The following LSAMP variants were observed in gnomAD, a reference collection of about 807,000 sequenced individuals.
LSAMP encodes the protein limbic system associated membrane protein, also known as limbic system-associated membrane protein.
Under a neutral mutation model 38.6 loss-of-function variants are expected in LSAMP, and 7 were observed. The ratio of observed to expected loss-of-function variants is 0.18; its 90% CI spans 0.10 to 0.34. The LOEUF (loss-of-function observed/expected upper bound fraction) is 0.34. Ranked by LOEUF, LSAMP falls within the 10% of genes least tolerant of loss-of-function variation. LSAMP has a pLI of 1.00. For synonymous variants in LSAMP, 154 were observed against 166.8 expected (o/e 0.92, Z 0.59); for missense variants, 313 against 420.0 (o/e 0.75, Z 2.23).
chr3:116,277,123 C>T (rs747720709), intron 1 of LSAMP, among the ~76,000 whole-genome samples: 7 of 152,108 alleles, frequency 4.6e-5, no homozygotes, highest in Non-Finnish European at 8.8e-5. Context: ...AGAACATGGC[C>T]TCTGATAAGA....
intron 3 of LSAMP, among the ~76,000 whole-genome samples, chr3:115,902,917 T>C (rs569786026): frequency 3.3e-4 from 50 of 152,296 alleles, no homozygotes; most frequent in African/African-American, 1.2e-3. Context: ...GTTTCAACCA[T>C]TGTGTAAAGC....
chr3:116,077,685 C>T (rs1025789059), intron 2 of LSAMP, among the ~76,000 whole-genome samples: 1 of 152,140 alleles, frequency 6.6e-6, no homozygotes, highest in Non-Finnish European at 1.5e-5. Flanking sequence ...CCCATGTATC[C>T]TTCACCCAGA....
At chr3:116,204,537 C>T (rs1023314545) in intron 1 of LSAMP, among the ~76,000 whole-genome samples, 53 of 150,466 alleles carry the variant, frequency 3.5e-4, no homozygotes, top group Non-Finnish European at 5.2e-4. Context: ...GGTTTTAGGT[C>T]TAACATTTAA....
At chr3:115,937,532 T>C (rs1559888160) in intron 3 of LSAMP, among the ~76,000 whole-genome samples, 1 of 151,596 alleles carries the variant, frequency 6.6e-6, no homozygotes, top group Non-Finnish European at 1.5e-5. Flanking sequence ...TCCCAGCTAC[T>C]AGGGAGGCTG....
chr3:115,871,641 AAG>A (rs1415035721), intron 3 of LSAMP, among the ~76,000 whole-genome samples: 4 of 94,382 alleles, frequency 4.2e-5, no homozygotes, highest in Non-Finnish European at 7.9e-5. Context: ...CAGAGAGACA[AAG>A]AGAGAGAGGC....
intron 2 of LSAMP, among the ~76,000 whole-genome samples, chr3:116,054,811 C>T (rs1941458925): frequency 6.6e-6 from 1 of 152,210 alleles, no homozygotes; most frequent in East Asian, 1.9e-4. Context: ...CATTTATCAC[C>T]ACGTGGTTAT....
chr3:116,131,175 T>A (rs1709124079), intron 1 of LSAMP, among the ~76,000 whole-genome samples: 1 of 151,896 alleles, frequency 6.6e-6, no homozygotes, highest in African/African-American at 2.4e-5. Flanking sequence ...GTATTTTTAG[T>A]AGAGACAGGG....
At chr3:115,863,509 T>C (rs1009597072) in intron 3 of LSAMP, among the ~76,000 whole-genome samples, 1 of 148,860 alleles carries the variant, frequency 6.7e-6, no homozygotes, top group African/African-American at 2.5e-5. Flanking sequence ...TTCTAAACAA[T>C]GGGATTCAAA....
At chr3:116,252,810 G>C (rs140414296) in intron 1 of LSAMP, among the ~76,000 whole-genome samples, 80 of 152,308 alleles carry the variant, frequency 5.3e-4, no homozygotes, top group African/African-American at 1.8e-3. Context: ...GAACTTATGG[G>C]ATGTTTTCTT....
intron 1 of LSAMP, among the ~76,000 whole-genome samples, chr3:116,270,980 A>ATAGAG (rs144432898): frequency 0.014 from 2,163 of 152,184 alleles, 49 homozygotes; most frequent in African/African-American, 0.048. Flanking sequence ...ATTGGAACAG[A>ATAGAG]TAGAGTACAG....
At chr3:116,196,987 C>T (rs1247200043) in intron 1 of LSAMP, among the ~76,000 whole-genome samples, 6 of 152,162 alleles carry the variant, frequency 3.9e-5, no homozygotes, top group Non-Finnish European at 8.8e-5. Flanking sequence ...AAACTGTCTG[C>T]ACCTCCCAAA....
At chr3:116,255,596 T>C (rs1361322290) in intron 1 of LSAMP, among the ~76,000 whole-genome samples, 1 of 152,206 alleles carries the variant, frequency 6.6e-6, no homozygotes, top group Non-Finnish European at 1.5e-5. Context: ...TTTAATCTTT[T>C]TTCCCCTCTT....
At position 116,014,260 on chromosome 3, in the gene LSAMP, G is replaced by A. The variant is rs533331562; in HGVS notation, c.514+5255C>T. 2.6e-5 allele frequency among the ~76,000 whole-genome samples: 4 copies of A among 152,190 alleles called. No homozygotes were observed. In the South Asian group the frequency reaches 8.3e-4, roughly 32 times the overall value. ...TTATTGAACTATAAGCTTCATTTGT[G>A]CAAGGACCATGTCTGTCTTGCTCTT... On this transcript the variant is annotated intron_variant, in intron 3 of 6. Coordinates refer to ENST00000490035, the MANE Select transcript of LSAMP (RefSeq NM_002338.5).
At chr3:115,917,919 T>C (rs879839752) in intron 3 of LSAMP, among the ~76,000 whole-genome samples, 5 of 152,228 alleles carry the variant, frequency 3.3e-5, no homozygotes, top group African/African-American at 1.2e-4. Flanking sequence ...AAGATTTTAA[T>C]TACATACTAT....
At chr3:116,270,735 C>G (rs1448126431) in intron 1 of LSAMP, among the ~76,000 whole-genome samples, 2 of 152,068 alleles carry the variant, frequency 1.3e-5, no homozygotes, top group Non-Finnish European at 2.9e-5. Flanking sequence ...CCTGTTTATC[C>G]TGTACAAGCT....
At position 116,199,164 on chromosome 3, in the gene LSAMP, A is replaced by AT. The variant is rs765038768; in HGVS notation, c.156-112609dup. On this transcript the variant is annotated intron_variant, in intron 1 of 6. Coordinates refer to ENST00000490035, the MANE Select transcript of LSAMP (RefSeq NM_002338.5). ...ATTAGGGTTGAGATGTTTGCTTGTG[A>AT]TTTTTTTTTTTTTAGGATAAAAGCT... 9.7e-3 allele frequency among the ~76,000 whole-genome samples: 1,411 copies of AT among 145,792 alleles called. 16 individuals are homozygous for AT. Among genetic ancestry groups the AT allele is most frequent in the African/African-American group, 0.028 (1,131 of 40,106 alleles).
chr3:116,287,425 A>T (rs187216118), intron 1 of LSAMP, among the ~76,000 whole-genome samples: 1 of 152,292 alleles, frequency 6.6e-6, no homozygotes. Context: ...CATAATAATC[A>T]GGCTCTCATA....
intron 1 of LSAMP, among the ~76,000 whole-genome samples, chr3:116,318,735 T>C (rs1485797394): frequency 6.6e-6 from 1 of 152,242 alleles, no homozygotes; most frequent in Non-Finnish European, 1.5e-5. Flanking sequence ...TATATTTGGA[T>C]ACTGTAACCA....
intron 1 of LSAMP, among the ~76,000 whole-genome samples, chr3:116,317,513 G>A (rs895306735): frequency 2.4e-4 from 36 of 152,008 alleles, no homozygotes; most frequent in African/African-American, 8.0e-4. Flanking sequence ...CCGCCACCAC[G>A]TCTGGCTAAT....
Sources: allele counts gnomAD v4.1 joint callset (sites outside exome capture counted in the v4.1 genomes callset), GRCh38; gene constraint gnomAD v4.1.1; transcripts MANE v1.5; gene names NCBI Gene and HGNC (gene_info 2026-07-23, HGNC 2026-07-21).